The following FSD2 variants were observed in gnomAD, a reference collection of about 807,000 sequenced individuals.
The protein encoded by FSD2 is fibronectin type III and SPRY domain-containing protein 2.
FSD2 carries 71 observed loss-of-function variants against 80.4 expected under a neutral mutation model. The ratio of observed to expected loss-of-function variants is 0.88; its 90% CI spans 0.73 to 1.08. The LOEUF is 1.08. FSD2 is among the 50% of genes least tolerant of loss of function. The pLI, the probability that FSD2 is intolerant of heterozygous loss-of-function variation, is 0.00. For missense variants in FSD2, 923 were observed against 913.8 expected (o/e 1.01, Z -0.13); for synonymous variants, 361 against 329.5 (o/e 1.10, Z -1.03).
At position 82,760,760 on chromosome 15, in the gene FSD2, C is replaced by CA. The variant is rs1292337668; in HGVS notation, c.1998-1161_1998-1160insT. 3.3e-5 allele frequency among the ~76,000 whole-genome samples: 5 copies of CA among 151,448 alleles called. No homozygotes were observed. In the East Asian group the frequency reaches 9.8e-4, roughly 30 times the overall value. On this transcript the variant is annotated intron_variant, in intron 12 of 12. Coordinates refer to ENST00000334574, the MANE Select transcript of FSD2 (RefSeq NM_001007122.4). ...GCACGCACACACACACACACACACA[C>CA]CCTACATCTGTAAGAAACTGGCTTG...
chr15:82,802,002 G>C (rs1393717595), intron 1 of FSD2, among the ~76,000 whole-genome samples: 2 of 152,126 alleles, frequency 1.3e-5, no homozygotes, highest in Admixed American at 1.3e-4. Flanking sequence ...TGCCTCCACA[G>C]CCAGTGTTTT....
intron 1 of FSD2, among the ~76,000 whole-genome samples, chr15:82,799,802 C>T (rs2050367509): frequency 6.6e-6 from 1 of 152,182 alleles, no homozygotes. Context: ...GTCAGAAAGT[C>T]TAGAGTGAGG....
intron 10 of FSD2, 43 bp downstream of exon 10, chr15:82,765,855 G>C: frequency 6.4e-7 from 1 of 1,569,634 alleles, no homozygotes. Context: ...GCCACAGAGT[G>C]GCCACTTTGG....
intron 1 of FSD2, among the ~76,000 whole-genome samples, chr15:82,789,784 C>A (rs940999975): frequency 6.6e-6 from 1 of 152,156 alleles, no homozygotes; most frequent in Non-Finnish European, 1.5e-5. Flanking sequence ...ATACAGAACT[C>A]CTCTGAGCCC....
chr15:82,766,145 G>T, intron 9 of FSD2, 114 bp from the exon 10 acceptor site: 2 of 1,189,152 alleles, frequency 1.7e-6, no homozygotes, highest in South Asian at 1.8e-5. Flanking sequence ...CCTGTCCTCT[G>T]ACCCACATTT....
chr15:82,777,057 C>G (rs555730889), intron 6 of FSD2, among the ~76,000 whole-genome samples: 21 of 152,232 alleles, frequency 1.4e-4, no homozygotes, highest in African/African-American at 5.1e-4. Flanking sequence ...TACACCAGAA[C>G]AAAAGTAAAC....
chr15:82,767,602 C>A lies in FSD2; in HGVS notation c.1553+1278G>T, dbSNP rs149298540. Among the ~76,000 whole-genome samples the A allele has an allele frequency of 5.2e-3, 785 of 152,334 alleles. 7 individuals carry two copies. Among genetic ancestry groups the A allele is most frequent in the Middle Eastern group, 0.034 (10 of 294 alleles). ...TTACTGACCAGCCCTCTGATGACCT[C>A]ATCATTGTGAGTTGGTCCCAGGTGT... On this transcript the variant is annotated intron_variant, in intron 9 of 12. Transcript: ENST00000334574.
intron 1 of FSD2, among the ~76,000 whole-genome samples, chr15:82,804,176 T>G (rs190868313): frequency 6.6e-6 from 1 of 151,956 alleles, no homozygotes; most frequent in African/African-American, 2.4e-5. Context: ...GTGGGAATAT[T>G]TGTCCCTTGA....
chr15:82,771,931 G>T, intron 7 of FSD2, 142 bp downstream of exon 7: 1 of 891,906 alleles, frequency 1.1e-6, no homozygotes, highest in Non-Finnish European at 1.6e-6. Context: ...TTTCTGCCCT[G>T]TTCACCTGCC....
rs2050029687 is a variant in FSD2, at chr15:82,787,392, G to C, written c.-2C>G. ...TTCCTCCCCCGATTCCTCCTCCATTGTAACTCTGGAAGTCCTCAGAAGCAC... is the reference window on the plus strand; with the variant it reads ...TTCCTCCCCCGATTCCTCCTCCATTCTAACTCTGGAAGTCCTCAGAAGCAC... On this transcript the variant is annotated 5_prime_UTR_variant, in exon 2 of 13. Coordinates refer to ENST00000334574, the MANE Select transcript of FSD2 (RefSeq NM_001007122.4). The C allele has an allele frequency of 6.3e-7, 1 of 1,598,564 alleles. No homozygotes were observed. Among genetic ancestry groups the C allele is most frequent in the Admixed American group, 1.7e-5 (1 of 58,420 alleles).
At chr15:82,787,693 G>A (rs1459773045) in intron 1 of FSD2, among the ~76,000 whole-genome samples, 1 of 151,536 alleles carries the variant, frequency 6.6e-6, no homozygotes. Flanking sequence ...TAATAGATAT[G>A]TCCAACAAAA....
intron 1 of FSD2, among the ~76,000 whole-genome samples, chr15:82,800,199 G>A (rs900988015): frequency 6.6e-6 from 1 of 152,092 alleles, no homozygotes; most frequent in Non-Finnish European, 1.5e-5. Context: ...CCTTCCTGGG[G>A]ACAACCAGCC....
chr15:82,766,093 G>T, intron 9 of FSD2, 62 bp from the exon 10 acceptor site: 1 of 1,485,300 alleles, frequency 6.7e-7, no homozygotes, highest in Non-Finnish European at 9.0e-7. Flanking sequence ...CAAGCACCAG[G>T]CATCCCTTTC....
At chr15:82,792,251 G>A (rs1489382975) in intron 1 of FSD2, among the ~76,000 whole-genome samples, 1 of 152,154 alleles carries the variant, frequency 6.6e-6, no homozygotes, top group Non-Finnish European at 1.5e-5. Flanking sequence ...GGAAAGCTCT[G>A]ATTTCTCCAC....
At chr15:82,785,530 G>A (rs11635290) in intron 3 of FSD2, among the ~76,000 whole-genome samples, 21,056 of 151,958 alleles carry the variant, frequency 0.14, 1,926 homozygotes, top group South Asian at 0.33. Context: ...CACCATGTTG[G>A]CCAGTCTGGT....
chr15:82,775,291 G>C (rs1259350025), intron 6 of FSD2, among the ~76,000 whole-genome samples: 1 of 151,706 alleles, frequency 6.6e-6, no homozygotes, highest in Admixed American at 6.6e-5. Context: ...CCAGCTACTC[G>C]GGAGGCTGAG....
At chr15:82,805,732 T>A (rs1226720843) in intron 1 of FSD2, among the ~76,000 whole-genome samples, 1 of 152,198 alleles carries the variant, frequency 6.6e-6, no homozygotes, top group African/African-American at 2.4e-5. Context: ...CACCAGCCCC[T>A]GTCTGCCTTC....
chr15:82,784,068 G>A (rs1052253884), intron 3 of FSD2, among the ~76,000 whole-genome samples: 1 of 152,084 alleles, frequency 6.6e-6, no homozygotes, highest in African/African-American at 2.4e-5. Flanking sequence ...CATTCAGGGA[G>A]TAATTACTGA....
Position 82,787,400 on chromosome 15 carries a change from G to A in FSD2, c.-10C>T, listed in dbSNP as rs1357054810. 2 of 1,588,454 alleles carry A rather than the reference G, an allele frequency of 1.3e-6. No homozygotes were observed. The highest frequency in any genetic ancestry group is 2.3e-5 in the South Asian group (2 of 86,392). ...CCGATTCCTCCTCCATTGTAACTCT[G>A]GAAGTCCTCAGAAGCACCTTTATAT... On this transcript the variant is annotated 5_prime_UTR_variant, in exon 2 of 13. Transcript: ENST00000334574.
Sources: gnomAD v4.1 joint callset for allele counts (sites outside exome capture counted in the v4.1 genomes callset) on GRCh38, gnomAD v4.1.1 for gene constraint, MANE v1.5 for transcripts, NCBI Gene and HGNC (gene_info 2026-07-23, HGNC 2026-07-21) for gene names.